Variants in TYW1 observed in about 807,000 individuals in gnomAD.
TYW1 encodes the protein tRNA-yW synthesizing protein 1 homolog, also known as S-adenosyl-L-methionine-dependent tRNA 4-demethylwyosine synthase TYW1.
In TYW1, 46 loss-of-function variants were observed where a neutral mutation model predicts 96.2. The ratio of observed to expected loss-of-function variants is 0.48; its 90% CI spans 0.38 to 0.61. TYW1 has a LOEUF of 0.61. Among genes scored for constraint, TYW1 ranks in the 20% least tolerant of loss-of-function variants. The pLI is 0.00. For missense variants in TYW1, 684 were observed against 909.6 expected, an observed-to-expected ratio of 0.75 and a Z score of 3.19; for synonymous variants, 274 against 323.0, an observed-to-expected ratio of 0.85 and a Z score of 1.63.
chr7:67,019,124 A>T (rs1309032507), intron 6 of TYW1, among the ~76,000 whole-genome samples: 1 of 152,056 alleles, frequency 6.6e-6, no homozygotes, highest in Non-Finnish European at 1.5e-5. Context: ...CATCCCCTTC[A>T]CATCAGCCTT....
Position 67,190,141 on chromosome 7 carries a change from G to A in TYW1, c.1810-5029G>A, listed in dbSNP as rs148582627. On this transcript the variant is annotated intron_variant, in intron 14 of 15. Coordinates refer to ENST00000359626, the MANE Select transcript of TYW1 (RefSeq NM_018264.4). ...GTGTAGTGCTCAATCCTTGCAGAACGCACCCTGCAAAATGATTGTCTTAGC... is the reference window on the plus strand; with the variant it reads ...GTGTAGTGCTCAATCCTTGCAGAACACACCCTGCAAAATGATTGTCTTAGC... 2.6e-3 allele frequency among the ~76,000 whole-genome samples: 395 copies of A among 152,162 alleles called. 2 individuals carry two copies. Among genetic ancestry groups the A allele is most frequent in the African/African-American group, 9.3e-3 (387 of 41,486 alleles).
rs535054313 is a variant in TYW1, at chr7:67,227,262, TA to T, written c.1978-11045del. On this transcript the variant is annotated intron_variant, in intron 15 of 15. Coordinates refer to ENST00000359626, the MANE Select transcript of TYW1 (RefSeq NM_018264.4). Reference sequence around the variant, plus strand: ...GCCACACCAGATATTCTATTATTATTATTATTTTTTTGAGATGGGCGTCTCA... The same window carrying T: ...GCCACACCAGATATTCTATTATTATTTTATTTTTTTGAGATGGGCGTCTCA... 5.0e-3 allele frequency among the ~76,000 whole-genome samples: 687 copies of T among 138,592 alleles called. 1 individual carries two copies. The highest frequency in any genetic ancestry group is 0.019 in the African/African-American group (668 of 35,528). 90.9% of individuals were successfully genotyped at this position (138,592 alleles called of 152,430 possible). A position where few individuals can be genotyped will look rare whatever the true frequency, so the allele number is the denominator to read the frequency against.
chr7:67,016,086 A>T (rs1794013774), intron 5 of TYW1, among the ~76,000 whole-genome samples: 1 of 151,776 alleles, frequency 6.6e-6, no homozygotes, highest in Non-Finnish European at 1.5e-5. Flanking sequence ...AAATGAAATT[A>T]ACTTGGCTCC....
At chr7:67,083,389 A>G in intron 10 of TYW1, 41 bp from the exon 11 acceptor site, 2 of 1,596,316 alleles carry the variant, frequency 1.3e-6, no homozygotes, top group Non-Finnish European at 1.7e-6. Flanking sequence ...CCCAGATCTT[A>G]TTACAGAAGG....
At position 67,083,310 on chromosome 7, in the gene TYW1, A is replaced by G. The variant is rs1297707078; in HGVS notation, c.1275-120A>G. The G allele has an allele frequency of 5.5e-6, 5 of 909,126 alleles. No homozygotes were observed. In the Admixed American group the frequency reaches 1.2e-4, roughly 22 times the overall value. 56.3% of individuals were successfully genotyped at this position (909,126 alleles called of 1,614,324 possible). A position where few individuals can be genotyped will look rare whatever the true frequency, so the allele number is the denominator to read the frequency against. ...GGAAAATACCACTATACATGGTTGA[A>G]CTCTTAGGAGGAAACCAGTCCTGAT... is the stretch of plus-strand genomic sequence containing the variant. On this transcript the variant is annotated intron_variant, in intron 10 of 15. Coordinates refer to ENST00000359626, the MANE Select transcript of TYW1 (RefSeq NM_018264.4).
intron 13 of TYW1, among the ~76,000 whole-genome samples, chr7:67,171,328 C>G (rs1799506365): frequency 6.6e-6 from 1 of 152,088 alleles, no homozygotes; most frequent in African/African-American, 2.4e-5. Context: ...TTTCATAGAA[C>G]ATACTTTTGG....
intron 9 of TYW1, among the ~76,000 whole-genome samples, chr7:67,057,595 T>A (rs1330652705): frequency 6.6e-6 from 1 of 152,072 alleles, no homozygotes; most frequent in Non-Finnish European, 1.5e-5. Flanking sequence ...GGTCTCAAAC[T>A]CCTGACCTCA....
chr7:67,135,928 A>G (rs1253522296), intron 13 of TYW1, among the ~76,000 whole-genome samples: 5 of 152,224 alleles, frequency 3.3e-5, no homozygotes, highest in Non-Finnish European at 7.3e-5. Flanking sequence ...TAGCTCTAAT[A>G]GCTAACATCT....
chr7:67,173,047 C>T (rs1002114784), intron 13 of TYW1, among the ~76,000 whole-genome samples: 1 of 152,098 alleles, frequency 6.6e-6, no homozygotes, highest in Non-Finnish European at 1.5e-5. Flanking sequence ...AAAACAAAAA[C>T]AAAAAAATTA....
chr7:67,012,166 A>C (rs1303073264), intron 4 of TYW1, among the ~76,000 whole-genome samples: 1 of 152,104 alleles, frequency 6.6e-6, no homozygotes, highest in Non-Finnish European at 1.5e-5. Context: ...AGCCTGGGCA[A>C]CATGGTGAAA....
intron 13 of TYW1, among the ~76,000 whole-genome samples, chr7:67,161,915 G>A (rs370621448): frequency 6.6e-5 from 10 of 151,934 alleles, no homozygotes; most frequent in Non-Finnish European, 1.0e-4. Context: ...CTTACTTCAC[G>A]GACTGAGTCA....
rs185015015 is a variant in TYW1, at chr7:67,183,097, C to T, written c.1699-29C>T. The T allele has an allele frequency of 2.2e-5, 34 of 1,577,528 alleles. No homozygotes were observed. The East Asian group carries it at 7.9e-4, about 37-fold the overall frequency. ...TAAGAGGTGACGTCCACCAAGATAACAACGAACTTGGCTTTTCCTTTGTTT... is the reference window on the plus strand; with the variant it reads ...TAAGAGGTGACGTCCACCAAGATAATAACGAACTTGGCTTTTCCTTTGTTT... On this transcript the variant is annotated intron_variant, in intron 13 of 15. Transcript: ENST00000359626.
intron 13 of TYW1, among the ~76,000 whole-genome samples, chr7:67,182,336 G>A (rs913219287): frequency 3.9e-5 from 6 of 152,178 alleles, no homozygotes; most frequent in African/African-American, 1.4e-4. Flanking sequence ...CCTCAGGCAT[G>A]AGGGTCACTT....
intron 12 of TYW1, among the ~76,000 whole-genome samples, chr7:67,109,850 T>C (rs6954526): frequency 0.04 from 6,107 of 152,020 alleles, 181 homozygotes; most frequent in Middle Eastern, 0.1. Context: ...ATTGCACCCC[T>C]GCCTGGGGGA....
intron 7 of TYW1, among the ~76,000 whole-genome samples, chr7:67,029,053 C>A (rs1473438268): frequency 6.6e-6 from 1 of 150,750 alleles, no homozygotes; most frequent in Non-Finnish European, 1.5e-5. Context: ...GGCTGGAGTG[C>A]AGTGGCGCAA....
intron 15 of TYW1, among the ~76,000 whole-genome samples, chr7:67,198,368 T>C (rs1272395434): frequency 6.6e-6 from 1 of 151,918 alleles, no homozygotes; most frequent in Non-Finnish European, 1.5e-5. Context: ...CTGGCCAACA[T>C]AGTGAAACTC....
chr7:67,154,277 G>A (rs1383686913), intron 13 of TYW1, among the ~76,000 whole-genome samples: 1 of 152,040 alleles, frequency 6.6e-6, no homozygotes, highest in Non-Finnish European at 1.5e-5. Flanking sequence ...AAACAGTTGA[G>A]CATACTTTTA....
intron 12 of TYW1, among the ~76,000 whole-genome samples, chr7:67,099,031 A>AT (rs11297642): frequency 0.016 from 2,243 of 140,146 alleles, 58 homozygotes; most frequent in African/African-American, 0.06. Flanking sequence ...TATTATTATT[A>AT]TTTTTTTTTT....
At chr7:67,143,623 A>G (rs1288549784) in intron 13 of TYW1, among the ~76,000 whole-genome samples, 2 of 152,132 alleles carry the variant, frequency 1.3e-5, no homozygotes, top group Non-Finnish European at 2.9e-5. Context: ...CCAGAGTCCA[A>G]GAGCATGGGG....
Sources: gnomAD v4.1 joint callset for allele counts (sites outside exome capture counted in the v4.1 genomes callset) on GRCh38, gnomAD v4.1.1 for gene constraint, MANE v1.5 for transcripts, NCBI Gene and HGNC (gene_info 2026-07-23, HGNC 2026-07-21) for gene names.